The following PCA3 variants were observed in gnomAD, a reference collection of about 807,000 sequenced individuals.
The protein encoded by PCA3 is prostate cancer associated 3.
chr9:76,779,852 T>A (rs959028705), intron 2 of PCA3: 13 of 152,244 alleles, frequency 8.5e-5, no homozygotes, highest in African/African-American at 2.9e-4. Context: ...TCAATATAAT[T>A]GCATTTAACA....
At chr9:76,772,924 A>G (rs893821296) in intron 2 of PCA3, among the ~76,000 whole-genome samples, 1 of 152,184 alleles carries the variant, frequency 6.6e-6, no homozygotes, top group Non-Finnish European at 1.5e-5. Context: ...AAGTGGCTTT[A>G]ACAGAAGTTG....
At chr9:76,765,423 T>C (rs1408644339) in intron 2 of PCA3, among the ~76,000 whole-genome samples, 1 of 151,992 alleles carries the variant, frequency 6.6e-6, no homozygotes, top group East Asian at 1.9e-4. Context: ...TGATGAGGGG[T>C]TTCAATAGAA....
intron 2 of PCA3, among the ~76,000 whole-genome samples, chr9:76,783,190 G>A (rs2054609627): frequency 6.6e-6 from 1 of 152,208 alleles, no homozygotes; most frequent in African/African-American, 2.4e-5. Context: ...AGGTTCGAGT[G>A]CAATGGCACA....
intron 2 of PCA3, chr9:76,779,557 G>A (rs984889607): frequency 6.6e-6 from 1 of 152,112 alleles, no homozygotes; most frequent in Non-Finnish European, 1.5e-5. Flanking sequence ...TTATTCCTGT[G>A]GAAGGACAGC....
intron 2 of PCA3, among the ~76,000 whole-genome samples, chr9:76,778,220 A>T (rs1021031071): frequency 3.9e-5 from 6 of 152,334 alleles, no homozygotes; most frequent in Non-Finnish European, 2.9e-5. Context: ...GCTGCAGGCC[A>T]TTGTAAGAGC....
At chr9:76,765,414 G>C (rs1052761950) in intron 2 of PCA3, among the ~76,000 whole-genome samples, 1 of 152,214 alleles carries the variant, frequency 6.6e-6, no homozygotes, top group African/African-American at 2.4e-5. Context: ...TAGTGATCTT[G>C]ATGAGGGGTT....
intron 2 of PCA3, among the ~76,000 whole-genome samples, chr9:76,770,961 A>G: frequency 6.6e-6 from 1 of 152,302 alleles, no homozygotes; most frequent in East Asian, 1.9e-4. Flanking sequence ...TGATAAACTA[A>G]TAACTAACTA....
chr9:76,782,074 C>A (rs981236109), intron 2 of PCA3, among the ~76,000 whole-genome samples: 1 of 152,086 alleles, frequency 6.6e-6, no homozygotes, highest in Non-Finnish European at 1.5e-5. Context: ...ATTAGCCCAG[C>A]GTGGTGGTGG....
At chr9:76,768,581 GTA>G (rs59939233) in intron 2 of PCA3, among the ~76,000 whole-genome samples, 24,401 of 103,250 alleles carry the variant, frequency 0.24, 2,065 homozygotes, top group East Asian at 0.34. Flanking sequence ...ATATGTATAT[GTA>G]TGTGTGTGTG....
At chr9:76,768,906 T>C (rs1246106205) in intron 2 of PCA3, among the ~76,000 whole-genome samples, 2 of 152,186 alleles carry the variant, frequency 1.3e-5, no homozygotes, top group African/African-American at 2.4e-5. Flanking sequence ...CGCTGTACTT[T>C]ATAAAAAATT....
chr9:76,768,579 ATGTATGTGTGTG>A (rs200416709), intron 2 of PCA3, among the ~76,000 whole-genome samples: 14,863 of 100,526 alleles, frequency 0.15, 1,153 homozygotes, highest in East Asian at 0.45. Context: ...ATATATGTAT[ATGTATGTGTGTG>A]TGTGTGTGTG....
In PCA3 at chr9:76,768,579, ATGTATGTG is replaced by A. The variant is rs1407795729; in HGVS notation, n.852+31968_852+31975del. ...TCTTTGGGTTGATATATATATGTAT[ATGTATGTG>A]TGTGTGTGTGTGTGTGTGTGTGTGT... On this transcript the variant is annotated intron_variant and non_coding_transcript_variant, in intron 2 of 5. Transcript: ENST00000644657. Among the ~76,000 whole-genome samples the A allele has an allele frequency of 3.3e-4, 33 of 100,612 alleles. 1 individual carries two copies. In the East Asian group the frequency reaches 4.5e-3, roughly 14 times the overall value. 66.0% of individuals were successfully genotyped at this position (100,612 alleles called of 152,430 possible).
chr9:76,779,716 A>G (rs2054168247), intron 2 of PCA3: 1 of 152,198 alleles, frequency 6.6e-6, no homozygotes, highest in African/African-American at 2.4e-5. Flanking sequence ...GTGGGCTCAG[A>G]TTTACTGTAC....
chr9:76,767,049 C>G (rs528309724), intron 2 of PCA3, among the ~76,000 whole-genome samples: 2 of 152,308 alleles, frequency 1.3e-5, no homozygotes, highest in African/African-American at 4.8e-5. Flanking sequence ...CTGCTGTATT[C>G]TGGTATAGCG....
At chr9:76,768,162 C>G (rs2052632370) in intron 2 of PCA3, among the ~76,000 whole-genome samples, 1 of 152,016 alleles carries the variant, frequency 6.6e-6, no homozygotes, top group Non-Finnish European at 1.5e-5. Context: ...TTGGCTATAC[C>G]TTGCCCTTGA....
intron 2 of PCA3, among the ~76,000 whole-genome samples, chr9:76,772,945 C>T (rs1387107155): frequency 2.0e-5 from 3 of 152,160 alleles, no homozygotes; most frequent in African/African-American, 4.8e-5. Context: ...GGAAGCCCAA[C>T]CAAGTCACTT....
chr9:76,782,672 T>C (rs1216412020), intron 2 of PCA3: 1 of 152,218 alleles, frequency 6.6e-6, no homozygotes, highest in Non-Finnish European at 1.5e-5. Flanking sequence ...CCTAAGGAAT[T>C]ACAACACATA....
chr9:76,768,535 A>G (rs2052688946), intron 2 of PCA3, among the ~76,000 whole-genome samples: 1 of 148,464 alleles, frequency 6.7e-6, no homozygotes, highest in Non-Finnish European at 1.5e-5. Context: ...CGCACCTAGA[A>G]CGTTCTCTGG....
chr9:76,776,689 A>G (rs1416271540), intron 2 of PCA3, among the ~76,000 whole-genome samples: 2 of 151,006 alleles, frequency 1.3e-5, no homozygotes, highest in Admixed American at 1.3e-4. Context: ...TAGTATTTCT[A>G]GTTTTAGTAG....
Sources: allele counts gnomAD v4.1 joint callset (sites outside exome capture counted in the v4.1 genomes callset), GRCh38; gene constraint gnomAD v4.1.1; transcripts MANE v1.5; gene names NCBI Gene and HGNC (gene_info 2026-07-23, HGNC 2026-07-21).